Variants in DCN observed in about 807,000 individuals in gnomAD.
The protein encoded by DCN is decorin, also known as bone proteoglycan II.
Under a neutral mutation model 36.5 loss-of-function variants are expected in DCN, and 17 were observed. That is an observed-to-expected ratio of 0.47 (90% CI 0.32 to 0.70). The LOEUF (loss-of-function observed/expected upper bound fraction) is 0.70, where lower values mean the gene tolerates loss of function less well. DCN is among the 30% of genes least tolerant of loss of function. The pLI is 0.04. For missense variants in DCN, 389 were observed against 430.1 expected (o/e 0.90, Z 0.84); for synonymous variants, 163 against 161.4 (o/e 1.01, Z -0.07).
rs773757050 is a variant in DCN, at chr12:91,146,027, C to T, written c.*31G>A. 1.1e-5 allele frequency: 17 copies of T among 1,574,344 alleles called. No homozygotes were observed. The highest frequency in any genetic ancestry group is 1.4e-5 in the Non-Finnish European group (16 of 1,144,060). On this transcript the variant is annotated 3_prime_UTR_variant, in exon 8 of 8. Transcript: ENST00000052754. ...AGCAATGACATTAACAAGATTTTGC[C>T]AGGTTATAAAAATGAGGGCTTTCTT...
In DCN at chr12:91,158,338, G is replaced by T. The variant is rs866641462; in HGVS notation, c.496C>A (p.Arg166=). The T allele has an allele frequency of 3.1e-6, 5 of 1,613,472 alleles. No homozygotes were observed. Among genetic ancestry groups the T allele is most frequent in the African/African-American group, 1.3e-5 (1 of 74,884 alleles). The change falls in exon 4 of 8, where the codon CGA becomes AGA. Residue 166 remains arginine, a synonymous_variant. Transcript: ENST00000052754. ...TTCAGTCCATTGAAAGTAACTTTTCGCACTTTGGTGATCTCATTCTCATGG... is the reference window on the plus strand; with the variant it reads ...TTCAGTCCATTGAAAGTAACTTTTCTCACTTTGGTGATCTCATTCTCATGG... ...RAHENEITKV[R]KVTFNGLNQM...
intron 1 of DCN, chr12:91,179,383 T>G (rs374927509): frequency 6.6e-6 from 1 of 152,272 alleles, no homozygotes; most frequent in Non-Finnish European, 1.5e-5. Context: ...GTTGTAAAGA[T>G]TAAATGAGAT....
chr12:91,179,345 C>T (rs1883476700), intron 1 of DCN: 1 of 152,270 alleles, frequency 6.6e-6, no homozygotes, highest in Non-Finnish European at 1.5e-5. Flanking sequence ...AAGCTACTTG[C>T]CATGTAGAAT....
intron 3 of DCN, among the ~76,000 whole-genome samples, chr12:91,161,121 T>A (rs1882129393): frequency 6.6e-6 from 1 of 152,204 alleles, no homozygotes; most frequent in South Asian, 2.1e-4. Flanking sequence ...ATCCTCTGAA[T>A]GGTTGAAGGC....
At chr12:91,164,753 A>T in intron 2 of DCN, 36 bp from the exon 3 acceptor site, 1 of 1,034,892 alleles carries the variant, frequency 9.7e-7, no homozygotes, top group East Asian at 2.4e-5. Context: ...CTGTGAGTAG[A>T]AAGGACATGT....
chr12:91,176,863 G>T (rs1406252429), intron 2 of DCN: 1 of 152,068 alleles, frequency 6.6e-6, no homozygotes, highest in South Asian at 2.1e-4. Context: ...CCATCAAATG[G>T]TGATTTCTTT....
At chr12:91,177,284 G>T in intron 2 of DCN, 1 of 393,950 alleles carries the variant, frequency 2.5e-6, no homozygotes, top group Non-Finnish European at 4.5e-6. Flanking sequence ...TATTTTTTCT[G>T]GGTTCCTATA....
At chr12:91,153,256 T>G (rs1234608386) in intron 5 of DCN, 67 bp from the exon 6 acceptor site, 1 of 898,746 alleles carries the variant, frequency 1.1e-6, no homozygotes, top group East Asian at 2.4e-5. Context: ...GTGGACAAAC[T>G]TAAAGAAGAC....
intron 5 of DCN, among the ~76,000 whole-genome samples, chr12:91,154,004 G>T (rs1024975856): frequency 1.3e-5 from 2 of 151,982 alleles, no homozygotes; most frequent in African/African-American, 4.8e-5. Context: ...ATAACATATT[G>T]TTCCACTTAA....
intron 6 of DCN, 78 bp from the exon 7 acceptor site, chr12:91,151,870 C>A: frequency 1.3e-6 from 2 of 1,564,584 alleles, no homozygotes; most frequent in Non-Finnish European, 1.8e-6. Flanking sequence ...TTAATCAAGT[C>A]TATAGGAAAG....
chr12:91,178,869 T>C (rs1244926118), intron 1 of DCN, among the ~76,000 whole-genome samples: 3 of 152,124 alleles, frequency 2.0e-5, no homozygotes, highest in Non-Finnish European at 4.4e-5. Flanking sequence ...TCCAAATCAT[T>C]TGCAAAATTG....
chr12:91,178,457 C>T lies in DCN; in HGVS notation c.96G>A (p.Glu32=), dbSNP rs780647595. Residue 32 remains glutamate (E), a synonymous_variant, in exon 2 of 8, where the codon GAG becomes GAA. Transcript: ENST00000052754. ...GAACTTCTGGGCCTATCCCAGAAGC[C>T]TCATCTTCTAGCATAAAGTCAAATA... ...RGLFDFMLED[E]ASGIGPEVPD... 13 of 1,613,746 alleles carry T rather than the reference C, an allele frequency of 8.1e-6. No individual in the cohort carries two copies. In the East Asian group the frequency reaches 2.0e-4, roughly 25 times the overall value.
At chr12:91,149,310 A>G (rs1881253915) in intron 7 of DCN, among the ~76,000 whole-genome samples, 1 of 152,212 alleles carries the variant, frequency 6.6e-6, no homozygotes, top group Non-Finnish European at 1.5e-5. Context: ...CAATCAAAGT[A>G]ATATCAATGT....
chr12:91,172,665 C>T, intron 2 of DCN: 1 of 630,750 alleles, frequency 1.6e-6, no homozygotes, highest in Non-Finnish European at 2.9e-6. Flanking sequence ...GTTTCTCAAT[C>T]AGGCATGTTC....
chr12:91,164,532 C>A (rs1448460694), intron 3 of DCN, 73 bp downstream of exon 3: 2 of 790,648 alleles, frequency 2.5e-6, no homozygotes, highest in Non-Finnish European at 4.5e-6. Context: ...GTACTCTTGG[C>A]CTTATCTAGG....
At chr12:91,148,553 T>C (rs999728763) in intron 7 of DCN, among the ~76,000 whole-genome samples, 1 of 151,298 alleles carries the variant, frequency 6.6e-6, no homozygotes, top group Non-Finnish European at 1.5e-5. Flanking sequence ...CCGTTTCTAC[T>C]AAAAATACAA....
At chr12:91,166,365 AATGACACTGT>A (rs1882573302) in intron 2 of DCN, among the ~76,000 whole-genome samples, 1 of 152,162 alleles carries the variant, frequency 6.6e-6, no homozygotes, top group Non-Finnish European at 1.5e-5. Flanking sequence ...GAGGTTGCTT[AATGACACTGT>A]ACAGTTGTAA....
At chr12:91,179,195 T>G (rs1261367178) in intron 1 of DCN, 1 of 160,176 alleles carries the variant, frequency 6.2e-6, no homozygotes, top group African/African-American at 2.4e-5. Flanking sequence ...ATTTATTAAC[T>G]TCCTATGGCT....
intron 4 of DCN, among the ~76,000 whole-genome samples, chr12:91,157,466 A>G (rs969674625): frequency 5.9e-5 from 9 of 152,326 alleles, no homozygotes; most frequent in African/African-American, 2.2e-4. Context: ...AAATTATTTA[A>G]GATGCATACA....
Sources: gnomAD v4.1 joint callset for allele counts (sites outside exome capture counted in the v4.1 genomes callset) on GRCh38, gnomAD v4.1.1 for gene constraint, MANE v1.5 for transcripts, NCBI Gene and HGNC (gene_info 2026-07-23, HGNC 2026-07-21) for gene names.